TRPM3: variants seen among roughly 807,000 people sequenced by gnomAD.
TRPM3 encodes transient receptor potential cation channel subfamily M member 3.
TRPM3 carries 77 observed loss-of-function variants against 181.2 expected under a neutral mutation model. The observed-to-expected ratio is 0.42, with a 90% CI of 0.35 to 0.51. The LOEUF is 0.51. Among genes scored for constraint, TRPM3 ranks in the 20% least tolerant of loss-of-function variants. The pLI, the probability that TRPM3 is intolerant of heterozygous loss-of-function variation, is 0.01. For synonymous variants in TRPM3, 745 were observed against 796.4 expected (o/e 0.94, Z 1.09); for missense variants, 1,759 against 2,196.7 (o/e 0.80, Z 3.98).
chr9:70,781,061 C>T (rs1161405775), intron 7 of TRPM3, among the ~76,000 whole-genome samples: 1 of 152,042 alleles, frequency 6.6e-6, no homozygotes, highest in Non-Finnish European at 1.5e-5. Flanking sequence ...CGTGGTGGCT[C>T]ACACCTGTAA....
chr9:71,430,995 G>C (rs754152336), intron 1 of TRPM3, among the ~76,000 whole-genome samples: 4 of 152,154 alleles, frequency 2.6e-5, no homozygotes, highest in Non-Finnish European at 5.9e-5. Flanking sequence ...ACAGTGTCTT[G>C]ATTGAGGGTC....
At chr9:71,186,076 C>T (rs2077660700) in intron 1 of TRPM3, among the ~76,000 whole-genome samples, 1 of 152,012 alleles carries the variant, frequency 6.6e-6, no homozygotes, top group South Asian at 2.1e-4. Flanking sequence ...TAACTCTAAC[C>T]TCTGACTTCA....
chr9:70,560,948 C>T (rs1026609975), intron 22 of TRPM3, among the ~76,000 whole-genome samples: 1 of 152,100 alleles, frequency 6.6e-6, no homozygotes, highest in Non-Finnish European at 1.5e-5. Flanking sequence ...ATATGCACAC[C>T]ATCTTGTCCC....
intron 1 of TRPM3, among the ~76,000 whole-genome samples, chr9:71,278,422 C>T (rs1482533737): frequency 6.6e-6 from 1 of 152,096 alleles, no homozygotes; most frequent in Non-Finnish European, 1.5e-5. Context: ...CACCACAGTA[C>T]CAGTATCAGA....
chr9:70,807,595 T>C (rs2090977337), intron 6 of TRPM3, among the ~76,000 whole-genome samples: 1 of 152,194 alleles, frequency 6.6e-6, no homozygotes. Context: ...TAACAAGTTA[T>C]TGAGCACCTA....
intron 1 of TRPM3, among the ~76,000 whole-genome samples, chr9:71,135,903 T>C (rs1029824319): frequency 7.9e-5 from 12 of 152,224 alleles, no homozygotes; most frequent in African/African-American, 2.9e-4. Flanking sequence ...TGAGAAGTTA[T>C]GTATATTTCT....
chr9:71,353,862 T>C (rs1220694136), intron 1 of TRPM3, among the ~76,000 whole-genome samples: 2 of 152,174 alleles, frequency 1.3e-5, no homozygotes, highest in Non-Finnish European at 2.9e-5. Flanking sequence ...CACAGTAGTT[T>C]CTAGCCAAAA....
intron 1 of TRPM3, among the ~76,000 whole-genome samples, chr9:71,114,781 G>A (rs567245421): frequency 5.3e-5 from 8 of 152,200 alleles, no homozygotes; most frequent in African/African-American, 1.2e-4. Context: ...TCATTATAGC[G>A]GAATAAAGAA....
At chr9:71,159,248 A>G (rs777710373) in intron 1 of TRPM3, among the ~76,000 whole-genome samples, 14 of 152,014 alleles carry the variant, frequency 9.2e-5, no homozygotes, top group Non-Finnish European at 1.9e-4. Context: ...CTACAGAGCT[A>G]TTTGATAAGC....
At chr9:71,241,176 G>A (rs1257613622) in intron 1 of TRPM3, among the ~76,000 whole-genome samples, 1 of 152,040 alleles carries the variant, frequency 6.6e-6, no homozygotes, top group African/African-American at 2.4e-5. Context: ...CCTCCAAACA[G>A]ACCTTGAACC....
chr9:71,290,764 C>A (rs2085739770), intron 1 of TRPM3, among the ~76,000 whole-genome samples: 1 of 152,022 alleles, frequency 6.6e-6, no homozygotes, highest in Non-Finnish European at 1.5e-5. Context: ...CATCCTAAAA[C>A]CCTTATATTG....
At chr9:71,111,411 T>A (rs1235425875) in intron 1 of TRPM3, among the ~76,000 whole-genome samples, 3 of 152,170 alleles carry the variant, frequency 2.0e-5, no homozygotes, top group Non-Finnish European at 4.4e-5. Context: ...ATTTTTCCCC[T>A]CGCCCCCAAA....
intron 6 of TRPM3, chr9:70,824,950 A>T (rs943017329): frequency 6.6e-6 from 1 of 151,842 alleles, no homozygotes; most frequent in African/African-American, 2.4e-5. Context: ...TTGAATGGAG[A>T]CCTCAAAGGT....
chr9:70,598,475 C>G lies in TRPM3; in HGVS notation c.2992G>C (p.Asp998His). 1 of 1,614,190 alleles carries G rather than the reference C, an allele frequency of 6.2e-7. No homozygotes were observed. The highest frequency in any genetic ancestry group is 8.5e-7 in the Non-Finnish European group (1 of 1,180,042). Residue 998 changes from aspartate (D) to histidine (H), a missense_variant, in exon 21 of 26, where the codon GAC (aspartate) becomes CAC (histidine). Physicochemically the swap from Asp to His is moderately conservative, Grantham distance 81 (BLOSUM62 -1). Around this residue, in one of 8 missense-constraint regions of TRPM3, gnomAD observed 94 missense variants for 221.3 expected, o/e 0.42. Transcript: ENST00000677713. ...AAATACTTGTTCACGCCGAAGATGT[C>G]TAGGAGACGGATATACCAGTAAATG... ...NIIYWYIRLL[D>H]IFGVNKYLGP...
chr9:70,541,128 C>T (rs2043227109), intron 25 of TRPM3, among the ~76,000 whole-genome samples: 1 of 152,046 alleles, frequency 6.6e-6, no homozygotes, highest in Non-Finnish European at 1.5e-5. Context: ...AGAGAAGGTA[C>T]AGGAGGAAGA....
intron 8 of TRPM3, among the ~76,000 whole-genome samples, chr9:70,760,438 G>T (rs1180614824): frequency 4.1e-5 from 6 of 147,890 alleles, no homozygotes; most frequent in Non-Finnish European, 8.9e-5. Context: ...CATGTGGGTG[G>T]TACCTTCGTG....
chr9:71,284,070 C>T (rs141806976), intron 1 of TRPM3, among the ~76,000 whole-genome samples: 2,877 of 152,060 alleles, frequency 0.019, 41 homozygotes, highest in Non-Finnish European at 0.026. Flanking sequence ...ACTTATTTAA[C>T]CTTTGTGGTC....
intron 24 of TRPM3, among the ~76,000 whole-genome samples, chr9:70,551,140 T>C (rs190997493): frequency 1.3e-5 from 2 of 152,350 alleles, no homozygotes; most frequent in Admixed American, 1.3e-4. Flanking sequence ...AAAACTCCAT[T>C]AACACGTCAA....
At chr9:70,660,706 T>C (rs2061004260) in intron 9 of TRPM3, among the ~76,000 whole-genome samples, 1 of 152,094 alleles carries the variant, frequency 6.6e-6, no homozygotes, top group African/African-American at 2.4e-5. Context: ...AATACATTCC[T>C]GAAAATATAC....
Sources: allele counts gnomAD v4.1 joint callset (sites outside exome capture counted in the v4.1 genomes callset), GRCh38; gene constraint gnomAD v4.1.1; regional missense constraint gnomAD v4.1.1; transcripts MANE v1.5; gene names NCBI Gene and HGNC (gene_info 2026-07-23, HGNC 2026-07-21).